The following MMS22L variants were observed in gnomAD, a reference collection of about 807,000 sequenced individuals.
MMS22L encodes the protein protein MMS22-like.
In MMS22L, 74 loss-of-function variants were observed where a neutral mutation model predicts 159.1. That is an observed-to-expected ratio of 0.47 (90% confidence interval 0.39 to 0.56). The LOEUF (loss-of-function observed/expected upper bound fraction) is 0.56, where lower values mean the gene tolerates loss of function less well. Among genes scored for constraint, MMS22L ranks in the 20% least tolerant of loss-of-function variants. The pLI, the probability that MMS22L is intolerant of heterozygous loss-of-function variation, is 0.00. For missense variants in MMS22L, 1,351 were observed against 1,422.1 expected (o/e 0.95, Z 0.80); for synonymous variants, 517 against 506.9 (o/e 1.02, Z -0.27).
chr6:97,270,418 C>T (rs1254715748), intron 6 of MMS22L: 1 of 353,050 alleles, frequency 2.8e-6, no homozygotes, highest in Non-Finnish European at 5.5e-6. Context: ...TTTAGACTGT[C>T]ATGTAGACAT....
intron 18 of MMS22L, among the ~76,000 whole-genome samples, chr6:97,175,669 A>G (rs867367884): frequency 6.6e-6 from 1 of 151,298 alleles, no homozygotes; most frequent in Non-Finnish European, 1.5e-5. Context: ...TTATATCAGG[A>G]AAAAAAAATC....
chr6:97,178,533 G>C lies in MMS22L; in HGVS notation c.2589C>G (p.Leu863=). Residue 863 remains leucine (L), a synonymous_variant, in exon 18 of 25, where the codon CTC becomes CTG. Coordinates refer to ENST00000683635, the MANE Select transcript of MMS22L (RefSeq NM_001350599.2). ...TTGAGAAAATACTCTTTACTTCTGAGAGATTAAATAGTAATCTTGTCAGTT... is the reference window on the plus strand; with the variant it reads ...TTGAGAAAATACTCTTTACTTCTGACAGATTAAATAGTAATCTTGTCAGTT... ...LVKLTRLLFN[L]SEVKSIFSKA... The C allele has an allele frequency of 6.3e-7, 1 of 1,575,062 alleles. No homozygotes were observed. Among genetic ancestry groups the C allele is most frequent in the Non-Finnish European group, 8.7e-7 (1 of 1,150,734 alleles).
intron 15 of MMS22L, among the ~76,000 whole-genome samples, chr6:97,185,327 C>CT (rs1171364007): frequency 1.3e-5 from 2 of 152,090 alleles, no homozygotes; most frequent in African/African-American, 4.8e-5. Context: ...TATTCAGTAA[C>CT]TTTTTTTAAA....
chr6:97,172,261 T>TC, intron 19 of MMS22L, among the ~76,000 whole-genome samples: 2 of 152,286 alleles, frequency 1.3e-5, no homozygotes, highest in East Asian at 3.9e-4. Context: ...ATTTACATCT[T>TC]CTATATTTAC....
intron 14 of MMS22L, among the ~76,000 whole-genome samples, chr6:97,220,450 T>C (rs879180966): frequency 3.9e-5 from 6 of 152,148 alleles, no homozygotes; most frequent in Non-Finnish European, 8.8e-5. Flanking sequence ...ATAAATTGTA[T>C]GGTGTGTGAA....
chr6:97,184,946 T>C (rs1251268377), intron 15 of MMS22L, among the ~76,000 whole-genome samples: 2 of 152,130 alleles, frequency 1.3e-5, no homozygotes, highest in Admixed American at 6.6e-5. Flanking sequence ...TCTTGATCCA[T>C]CTCTTAGTTC....
chr6:97,162,633 CT>C (rs1285336871), intron 21 of MMS22L, among the ~76,000 whole-genome samples: 1 of 151,810 alleles, frequency 6.6e-6, no homozygotes, highest in Non-Finnish European at 1.5e-5. Flanking sequence ...GAGGACTGTC[CT>C]AGGAATAAGA....
chr6:97,167,800 T>C (rs1803120415), intron 20 of MMS22L, among the ~76,000 whole-genome samples: 1 of 150,320 alleles, frequency 6.7e-6, no homozygotes, highest in African/African-American at 2.5e-5. Context: ...CATAGTCTAA[T>C]AGATGAGGTC....
At chr6:97,236,093 C>T (rs965308792) in intron 11 of MMS22L, among the ~76,000 whole-genome samples, 7 of 151,914 alleles carry the variant, frequency 4.6e-5, no homozygotes, top group South Asian at 2.1e-4. Flanking sequence ...TTTGGGAGAC[C>T]GAGCTGGGTG....
chr6:97,172,595 G>A (rs73758122), intron 19 of MMS22L, among the ~76,000 whole-genome samples: 3,241 of 152,260 alleles, frequency 0.021, 122 homozygotes, highest in African/African-American at 0.074. Context: ...TTTGAAAAGG[G>A]AAGAGTATTG....
chr6:97,188,793 C>T (rs971737206), intron 14 of MMS22L, among the ~76,000 whole-genome samples: 18 of 152,056 alleles, frequency 1.2e-4, no homozygotes, highest in African/African-American at 4.3e-4. Context: ...AATCCCCTCC[C>T]TAATAAAAAT....
intron 19 of MMS22L, among the ~76,000 whole-genome samples, chr6:97,170,740 C>T (rs1308515166): frequency 1.3e-5 from 2 of 152,178 alleles, no homozygotes; most frequent in Admixed American, 1.3e-4. Context: ...CGTACAGCGG[C>T]TCACACCTGT....
intron 8 of MMS22L, chr6:97,266,710 G>A (rs1815159097): frequency 1.3e-5 from 2 of 152,126 alleles, no homozygotes; most frequent in South Asian, 4.1e-4. Flanking sequence ...TGAACCTGGA[G>A]GACATTAAAT....
rs1266298844 is a variant in MMS22L, at chr6:97,179,412, T to G, written c.2532A>C (p.Ala844=). 2 of 1,612,006 alleles carry G rather than the reference T, an allele frequency of 1.2e-6. No individual in the cohort carries two copies. Among genetic ancestry groups the G allele is most frequent in the Non-Finnish European group, 1.7e-6 (2 of 1,179,124 alleles). Residue 844 remains alanine, a synonymous_variant, in exon 17 of 25, where the codon GCA becomes GCC. Transcript: ENST00000683635. ...DLLIDKNLEE[A]VEKEYMKQLV... is the part of the protein sequence containing the mutation. ...AAAAAACGTACACTTACTTACCAAC[T>G]GCCTCTTCCAGATTTTTATCTATGA...
chr6:97,162,945 A>C (rs1312990143), intron 21 of MMS22L, among the ~76,000 whole-genome samples: 1 of 152,004 alleles, frequency 6.6e-6, no homozygotes, highest in Non-Finnish European at 1.5e-5. Context: ...TATAAACTAG[A>C]CATCCATATA....
rs1428182199 is a variant in MMS22L, at chr6:97,269,956, A to C, written c.643T>G (p.Leu215Val). Residue 215 changes from leucine (L) to valine (V), a missense_variant, in exon 7 of 25, where the codon TTG becomes GTG. By Grantham distance (32) the Leu-to-Val change is conservative (BLOSUM62 1). Coordinates refer to ENST00000683635, the MANE Select transcript of MMS22L (RefSeq NM_001350599.2). ...PPSWHLLHLHLDIHWLVLEIL... is the reference protein window; with the variant it reads ...PPSWHLLHLHVDIHWLVLEIL... ...TCTAGCACCAGCCAATGTATATCCAAGTGGAGATGTAATAAATGCCATGAC... is the reference window on the plus strand; with the variant it reads ...TCTAGCACCAGCCAATGTATATCCACGTGGAGATGTAATAAATGCCATGAC... 1.7e-5 allele frequency: 27 copies of C among 1,612,760 alleles called. No homozygotes were observed. Among genetic ancestry groups the C allele is most frequent in the Non-Finnish European group, 2.1e-5 (25 of 1,179,292 alleles).
chr6:97,263,063 A>T lies in MMS22L; in HGVS notation c.942+272T>A, dbSNP rs771235992. Among the ~76,000 whole-genome samples the T allele has an allele frequency of 7.9e-5, 12 of 152,320 alleles. 1 individual carries two copies. The Middle Eastern group carries it at 0.024, about 302-fold the overall frequency. On this transcript the variant is annotated intron_variant, in intron 9 of 24. Transcript: ENST00000683635. ...ATGGGTAGTAAATACCTTAGTCTGAAAGATTTCTGATAGAACAACAACAAC... is the reference window on the plus strand; with the variant it reads ...ATGGGTAGTAAATACCTTAGTCTGATAGATTTCTGATAGAACAACAACAAC...
At chr6:97,195,060 T>C (rs557150016) in intron 14 of MMS22L, among the ~76,000 whole-genome samples, 16 of 152,324 alleles carry the variant, frequency 1.1e-4, no homozygotes, top group South Asian at 2.1e-4. Context: ...GGGATGATGA[T>C]TGATAGAACT....
chr6:97,181,014 CAT>C (rs1202677053), intron 16 of MMS22L, among the ~76,000 whole-genome samples: 1 of 152,138 alleles, frequency 6.6e-6, no homozygotes, highest in Non-Finnish European at 1.5e-5. Context: ...TAAACCTACA[CAT>C]ATGCCATGTG....
Sources: allele counts gnomAD v4.1 joint callset (sites outside exome capture counted in the v4.1 genomes callset), GRCh38; gene constraint gnomAD v4.1.1; transcripts MANE v1.5; gene names NCBI Gene and HGNC (gene_info 2026-07-23, HGNC 2026-07-21).